ANK2: variants seen among roughly 807,000 people sequenced by gnomAD.
The protein encoded by ANK2 is ankyrin 2.
In ANK2, 83 loss-of-function variants were observed where a neutral mutation model predicts 360.5. That is an observed-to-expected ratio of 0.23 (90% CI 0.19 to 0.28). The LOEUF (loss-of-function observed/expected upper bound fraction) is 0.28. ANK2 is among the 10% of genes least tolerant of loss of function. The pLI is 1.00. For missense variants in ANK2, 4,201 were observed against 4,795.7 expected (o/e 0.88, Z 3.66); for synonymous variants, 1,740 against 1,759.5 (o/e 0.99, Z 0.28).
the ANK2 span, among the ~76,000 whole-genome samples, chr4:112,754,686 T>C: frequency 6.6e-6 from 1 of 152,020 alleles, no homozygotes; most frequent in Non-Finnish European, 1.5e-5. Context: ...ACCTGCAAAC[T>C]CAATTTAAGG....
intron 1 of ANK2, among the ~76,000 whole-genome samples, chr4:113,163,784 A>AG: frequency 9.1e-6 from 1 of 109,556 alleles, no homozygotes; most frequent in South Asian, 2.7e-4. Context: ...AAAAAAAAAA[A>AG]AAAAAAAAGA....
chr4:112,960,977 T>G (rs976912044), intron 2 of ANK2, among the ~76,000 whole-genome samples: 3 of 152,152 alleles, frequency 2.0e-5, no homozygotes, highest in Admixed American at 1.3e-4. Context: ...CAGTACTCAA[T>G]TTCCATGTCA....
At chr4:112,730,942 A>G in the ANK2 span, among the ~76,000 whole-genome samples, 2 of 151,742 alleles carry the variant, frequency 1.3e-5, no homozygotes, top group South Asian at 2.1e-4. Context: ...GATCGAGACC[A>G]TTCCGGCCAA....
chr4:113,298,213 C>T (rs1317609919), intron 22 of ANK2, among the ~76,000 whole-genome samples: 1 of 152,028 alleles, frequency 6.6e-6, no homozygotes, highest in African/African-American at 2.4e-5. Context: ...AACATCTACC[C>T]TAGTTTTTCT....
intron 5 of ANK2, among the ~76,000 whole-genome samples, chr4:113,235,472 T>C (rs773314299): frequency 6.6e-6 from 1 of 152,166 alleles, no homozygotes; most frequent in Non-Finnish European, 1.5e-5. Flanking sequence ...CGGAAAAAAA[T>C]GGAGTAGTTA....
chr4:113,378,072 C>G (rs1275791856), intron 45 of ANK2: 2 of 1,197,154 alleles, frequency 1.7e-6, no homozygotes, highest in Admixed American at 4.7e-5. Context: ...TTTGTCTTTT[C>G]TTTTCTTCTT....
chr4:112,968,390 T>C (rs928086415), intron 2 of ANK2, among the ~76,000 whole-genome samples: 1 of 152,172 alleles, frequency 6.6e-6, no homozygotes. Context: ...TGCCACACCC[T>C]TGGCTGAAGA....
In ANK2 at chr4:113,355,409, G is replaced by A; in HGVS notation, c.6791G>A (p.Ser2264Asn). The A allele has an allele frequency of 6.2e-7, 1 of 1,613,992 alleles. No homozygotes were observed. The highest frequency in any genetic ancestry group is 8.5e-7 in the Non-Finnish European group (1 of 1,179,992). The stretch of plus-strand genomic sequence containing the variant: ...GAGCAAACTGGGGAAACAAAGGAAA[G>A]CACCAAGACAGAAACCACCACAGAA... ...SEEQTGETKE[S>N]TKTETTTEIR... Residue 2264 changes from serine (S) to asparagine (N), a missense_variant, in exon 38 of 46, where the codon AGC (serine) becomes AAC (asparagine). Coordinates refer to ENST00000357077, the MANE Select transcript of ANK2 (RefSeq NM_001148.6).
chr4:112,944,223 T>G (rs1208952987), intron 2 of ANK2, among the ~76,000 whole-genome samples: 2 of 152,192 alleles, frequency 1.3e-5, no homozygotes, highest in African/African-American at 4.8e-5. Context: ...ATAAATGATA[T>G]ATTGTATTAG....
At chr4:113,157,259 G>T (rs2097336629) in intron 1 of ANK2, among the ~76,000 whole-genome samples, 1 of 152,084 alleles carries the variant, frequency 6.6e-6, no homozygotes, top group African/African-American at 2.4e-5. Context: ...GCTGAGAGAG[G>T]TTTCATCTAT....
At chr4:112,995,368 T>G (rs1051409270) in intron 2 of ANK2, among the ~76,000 whole-genome samples, 1 of 152,322 alleles carries the variant, frequency 6.6e-6, no homozygotes, top group East Asian at 1.9e-4. Flanking sequence ...ATGTTGAGCA[T>G]TTTTACATGT....
intron 32 of ANK2, 75 bp downstream of exon 32, chr4:113,339,397 TTTC>T: frequency 8.2e-7 from 1 of 1,218,028 alleles, no homozygotes; most frequent in African/African-American, 1.5e-5. Flanking sequence ...TTTTATTTTG[TTTC>T]TTTATTGTTT....
chr4:113,140,598 T>G (rs1025113228), intron 1 of ANK2, among the ~76,000 whole-genome samples: 3 of 152,248 alleles, frequency 2.0e-5, no homozygotes, highest in African/African-American at 7.2e-5. Flanking sequence ...TCAATGACTC[T>G]GAGTGAAACA....
chr4:112,870,630 T>C (rs898113189), intron 1 of ANK2, among the ~76,000 whole-genome samples: 1 of 152,246 alleles, frequency 6.6e-6, no homozygotes, highest in Non-Finnish European at 1.5e-5. Context: ...CACATGAGTT[T>C]ATTTCTGGAC....
intron 1 of ANK2, among the ~76,000 whole-genome samples, chr4:112,870,777 C>T (rs2072691991): frequency 6.6e-6 from 1 of 152,164 alleles, no homozygotes; most frequent in Admixed American, 6.6e-5. Flanking sequence ...TATTCTAGGT[C>T]CCTTACAATT....
intron 2 of ANK2, among the ~76,000 whole-genome samples, chr4:112,906,198 G>C (rs758859749): frequency 1.5e-4 from 23 of 152,080 alleles, no homozygotes; most frequent in Non-Finnish European, 3.2e-4. Context: ...GATTTGGTAG[G>C]GAGTGTCAAA....
At chr4:112,821,162 G>A (rs972038197) in intron 1 of ANK2, among the ~76,000 whole-genome samples, 2 of 151,894 alleles carry the variant, frequency 1.3e-5, no homozygotes, top group African/African-American at 4.8e-5. Flanking sequence ...TGATCCGCCC[G>A]CCTCGGTCTC....
chr4:112,795,238 C>T, the ANK2 span, among the ~76,000 whole-genome samples: 1 of 152,016 alleles, frequency 6.6e-6, no homozygotes, highest in Non-Finnish European at 1.5e-5. Context: ...CCCTAACACC[C>T]ACTCTAACTT....
chr4:113,262,447 C>T (rs1350552759), intron 13 of ANK2, among the ~76,000 whole-genome samples: 2 of 152,026 alleles, frequency 1.3e-5, no homozygotes, highest in East Asian at 3.9e-4. Context: ...CCACCCTGGT[C>T]TTGAATGCTT....
Sources: gnomAD v4.1 joint callset for allele counts (sites outside exome capture counted in the v4.1 genomes callset) on GRCh38, gnomAD v4.1.1 for gene constraint, MANE v1.5 for transcripts, NCBI Gene and HGNC (gene_info 2026-07-23, HGNC 2026-07-21) for gene names.